STIMATE: variants seen among roughly 807,000 people sequenced by gnomAD.
STIMATE encodes STIM activating enhancer, also known as store-operated calcium entry regulator STIMATE.
Under a neutral mutation model 36.7 loss-of-function variants are expected in STIMATE, and 15 were observed. That is an observed-to-expected ratio of 0.41 (90% CI 0.27 to 0.63). The LOEUF is 0.63. Among genes scored for constraint, STIMATE ranks in the 20% least tolerant of loss-of-function variants. The probability of loss-of-function intolerance (pLI) is 0.32; values close to 1 mark genes in which losing one functional copy is unlikely to be tolerated. For synonymous variants in STIMATE, 163 were observed against 162.3 expected, an observed-to-expected ratio of 1.00 and a Z score of -0.03; for missense variants, 305 against 397.3, an observed-to-expected ratio of 0.77 and a Z score of 1.98.
At chr3:52,866,861 T>C (rs1003828462) in intron 1 of STIMATE, among the ~76,000 whole-genome samples, 1 of 152,192 alleles carries the variant, frequency 6.6e-6, no homozygotes, top group Non-Finnish European at 1.5e-5. Context: ...TGCAGCCCTA[T>C]TTAGAAACTG....
intron 1 of STIMATE, among the ~76,000 whole-genome samples, chr3:52,888,796 C>G (rs1244121942): frequency 6.6e-6 from 1 of 152,116 alleles, no homozygotes; most frequent in Admixed American, 6.5e-5. Context: ...ATTCTGCATA[C>G]AAGAAATAAA....
At chr3:52,846,099 A>T (rs1052703915) in intron 4 of STIMATE, among the ~76,000 whole-genome samples, 1 of 152,220 alleles carries the variant, frequency 6.6e-6, no homozygotes, top group Non-Finnish European at 1.5e-5. Flanking sequence ...CAAGCCTGTC[A>T]GCTGTACACA....
Position 52,838,243 on chromosome 3 carries a change from C to T in STIMATE, c.*2251G>A, listed in dbSNP as rs1012958597. ...GGGCAAAGCCTTCAGATGAGACCAT[C>T]TGAGATCTATATAACCCAGGGTTTG... On this transcript the variant is annotated 3_prime_UTR_variant, in exon 8 of 8. Coordinates refer to ENST00000355083, the MANE Select transcript of STIMATE (RefSeq NM_198563.5). 3 of 152,202 alleles carry T rather than the reference C, an allele frequency of 2.0e-5. No individual in the cohort carries two copies. The highest frequency in any genetic ancestry group is 7.2e-5 in the African/African-American group (3 of 41,434). 9.4% of individuals were successfully genotyped at this position (152,202 alleles called of 1,614,324 possible). A position where few individuals can be genotyped will look rare whatever the true frequency, so the allele number is the denominator to read the frequency against.
chr3:52,854,003 G>A (rs899463241), intron 2 of STIMATE, among the ~76,000 whole-genome samples: 1 of 152,150 alleles, frequency 6.6e-6, no homozygotes, highest in African/African-American at 2.4e-5. Flanking sequence ...ACCATTTCAC[G>A]AAGGAAAAAT....
At chr3:52,874,198 T>A (rs997750408) in intron 1 of STIMATE, among the ~76,000 whole-genome samples, 2 of 152,228 alleles carry the variant, frequency 1.3e-5, no homozygotes, top group Non-Finnish European at 2.9e-5. Flanking sequence ...CATATGTGAT[T>A]ATGCAATGGA....
chr3:52,888,858 C>G (rs539821534), intron 1 of STIMATE, among the ~76,000 whole-genome samples: 1 of 152,300 alleles, frequency 6.6e-6, no homozygotes, highest in South Asian at 2.1e-4. Context: ...ACTGGAAAAA[C>G]CATGAATACA....
chr3:52,858,092 T>C (rs1183282375), intron 1 of STIMATE, among the ~76,000 whole-genome samples: 1 of 151,994 alleles, frequency 6.6e-6, no homozygotes, highest in African/African-American at 2.4e-5. Context: ...ACACCTTCAT[T>C]GCGGTCTTCC....
chr3:52,863,672 C>T (rs1199197256), intron 1 of STIMATE, among the ~76,000 whole-genome samples: 1 of 152,146 alleles, frequency 6.6e-6, no homozygotes, highest in Non-Finnish European at 1.5e-5. Context: ...TGAGACAAGG[C>T]AAGTTGCTTC....
Position 52,878,815 on chromosome 3 carries a change from A to G in STIMATE, c.160+18476T>C, listed in dbSNP as rs547436429. Among the ~76,000 whole-genome samples the G allele has an allele frequency of 2.6e-5, 4 of 152,282 alleles. No homozygotes were observed. In the South Asian group the frequency reaches 8.3e-4, roughly 32 times the overall value. On this transcript the variant is annotated intron_variant, in intron 1 of 7. Transcript: ENST00000355083. ...CAGCTCCCCAGGGTTCCAGAAGGCC[A>G]TATCTAACCTTCTCAACAGATAAGA...
intron 1 of STIMATE, among the ~76,000 whole-genome samples, chr3:52,867,719 T>C (rs1701334941): frequency 6.6e-6 from 1 of 152,222 alleles, no homozygotes; most frequent in Non-Finnish European, 1.5e-5. Flanking sequence ...TCCAGCTGAA[T>C]ATCAGCTCAT....
chr3:52,860,279 G>A (rs923395461), intron 1 of STIMATE, among the ~76,000 whole-genome samples: 3 of 152,104 alleles, frequency 2.0e-5, no homozygotes, highest in Non-Finnish European at 4.4e-5. Context: ...ATGGAGCATG[G>A]CAGACAGTGC....
intron 1 of STIMATE, among the ~76,000 whole-genome samples, chr3:52,878,936 G>A (rs1441361167): frequency 2.6e-5 from 4 of 152,158 alleles, no homozygotes; most frequent in African/African-American, 7.2e-5. Flanking sequence ...GCAAGTGCAC[G>A]GATGTTGCGA....
At position 52,859,907 on chromosome 3, in the gene STIMATE, C is replaced by T. The variant is rs564827252; in HGVS notation, c.161-4463G>A. On this transcript the variant is annotated intron_variant, in intron 1 of 7. Transcript: ENST00000355083. ...AATGGTGTGCCCGTGCCTGTGGGTG[C>T]CCTGAGACAGCCACATATAGGAGCA... Among the ~76,000 whole-genome samples the T allele has an allele frequency of 2.0e-5, 3 of 151,914 alleles. No homozygotes were observed. In the East Asian group the frequency reaches 5.8e-4, roughly 29 times the overall value.
intron 1 of STIMATE, among the ~76,000 whole-genome samples, chr3:52,891,537 CAT>C (rs1701782406): frequency 6.6e-6 from 1 of 152,236 alleles, no homozygotes; most frequent in South Asian, 2.1e-4. Flanking sequence ...TCAGAGCCCA[CAT>C]GAGGGCCCTG....
At chr3:52,846,352 C>T (rs1394090148) in intron 4 of STIMATE, 2 of 152,206 alleles carry the variant, frequency 1.3e-5, no homozygotes, top group African/African-American at 4.8e-5. Flanking sequence ...CTAACCTTAT[C>T]GAGAACAGTT....
chr3:52,875,228 G>C (rs1413888310), intron 1 of STIMATE, among the ~76,000 whole-genome samples: 1 of 152,214 alleles, frequency 6.6e-6, no homozygotes, highest in African/African-American at 2.4e-5. Context: ...TCTAATTTGT[G>C]TTGGATAAGA....
intron 1 of STIMATE, among the ~76,000 whole-genome samples, chr3:52,868,305 CCTG>C (rs1324539720): frequency 6.6e-6 from 1 of 152,204 alleles, no homozygotes; most frequent in Non-Finnish European, 1.5e-5. Context: ...CCCAGCCTCC[CCTG>C]CTGCTGGTGT....
At chr3:52,888,006 T>TTTTGTTTTG (rs1701721138) in intron 1 of STIMATE, among the ~76,000 whole-genome samples, 1 of 123,860 alleles carries the variant, frequency 8.1e-6, no homozygotes, top group African/African-American at 2.8e-5. Context: ...TTTTTTTTTT[T>TTTTGTTTTG]TTTTTTTTTT....
intron 1 of STIMATE, among the ~76,000 whole-genome samples, chr3:52,890,313 T>C (rs1701762739): frequency 6.6e-6 from 1 of 152,246 alleles, no homozygotes; most frequent in Non-Finnish European, 1.5e-5. Context: ...CCACTGTTCT[T>C]ATACTTTGGA....
Sources: gnomAD v4.1 joint callset for allele counts (sites outside exome capture counted in the v4.1 genomes callset) on GRCh38, gnomAD v4.1.1 for gene constraint, MANE v1.5 for transcripts, NCBI Gene and HGNC (gene_info 2026-07-23, HGNC 2026-07-21) for gene names.